Variants in MDGA2 observed in about 807,000 individuals in gnomAD.
The protein encoded by MDGA2 is MAM domain containing glycosylphosphatidylinositol anchor 2.
Under a neutral mutation model 117.8 loss-of-function variants are expected in MDGA2, and 40 were observed. The observed-to-expected ratio is 0.34, with a 90% CI of 0.26 to 0.44. The LOEUF (loss-of-function observed/expected upper bound fraction) is 0.44. MDGA2 is among the 20% of genes least tolerant of loss of function. The pLI is 1.00. For synonymous variants in MDGA2, 452 were observed against 439.0 expected, an observed-to-expected ratio of 1.03 and a Z score of -0.37; for missense variants, 1,123 against 1,250.6, an observed-to-expected ratio of 0.90 and a Z score of 1.54.
intron 2 of MDGA2, among the ~76,000 whole-genome samples, chr14:47,279,061 C>T (rs1888393010): frequency 6.6e-6 from 1 of 152,034 alleles, no homozygotes; most frequent in African/African-American, 2.4e-5. Context: ...AATGAAAACC[C>T]TTGTTATACA....
chr14:47,075,255 T>C (rs187924010), intron 6 of MDGA2, among the ~76,000 whole-genome samples: 1 of 152,316 alleles, frequency 6.6e-6, no homozygotes, highest in African/African-American at 2.4e-5. Flanking sequence ...CTTCCAGATA[T>C]TTTGTATTCT....
At chr14:47,409,548 C>G (rs1892328860) in intron 1 of MDGA2, among the ~76,000 whole-genome samples, 1 of 152,042 alleles carries the variant, frequency 6.6e-6, no homozygotes, top group Non-Finnish European at 1.5e-5. Context: ...TTCAGGTGAG[C>G]CTAATAAAAA....
intron 1 of MDGA2, among the ~76,000 whole-genome samples, chr14:47,408,189 G>T (rs931325932): frequency 6.6e-6 from 1 of 151,374 alleles, no homozygotes; most frequent in East Asian, 1.9e-4. Flanking sequence ...CTGAGTAGCT[G>T]GGACTACAGA....
intron 3 of MDGA2, among the ~76,000 whole-genome samples, chr14:47,156,995 T>A (rs1883414982): frequency 6.6e-6 from 1 of 152,186 alleles, no homozygotes; most frequent in Admixed American, 6.5e-5. Context: ...CTGAAATGGT[T>A]ACTGTGAAGC....
intron 2 of MDGA2, among the ~76,000 whole-genome samples, chr14:47,260,312 T>C (rs763292901): frequency 6.6e-6 from 1 of 152,066 alleles, no homozygotes. Context: ...CCTAGCACTA[T>C]AATCAAATTT....
At chr14:47,322,602 C>A (rs925428405) in intron 1 of MDGA2, among the ~76,000 whole-genome samples, 2 of 152,114 alleles carry the variant, frequency 1.3e-5, no homozygotes, top group Non-Finnish European at 2.9e-5. Flanking sequence ...TTTAATATGA[C>A]ACGACCCAGA....
intron 6 of MDGA2, among the ~76,000 whole-genome samples, chr14:47,088,790 T>G (rs952842865): frequency 1.3e-5 from 2 of 152,196 alleles, no homozygotes; most frequent in African/African-American, 4.8e-5. Context: ...TCTTTAGTGA[T>G]TCCCACTGAT....
rs1388774500 is a variant in MDGA2 at position 47,674,714 on chromosome 14, C to G, written c.83G>C (p.Arg28Pro). The G allele has an allele frequency of 3.3e-6, 3 of 909,798 alleles. No homozygotes were observed. In the South Asian group the frequency reaches 4.2e-5, roughly 13 times the overall value. 56.4% of individuals were successfully genotyped at this position (909,798 alleles called of 1,614,324 possible). Reference sequence around the variant, plus strand: ...GCCGAGGTGCCCGGGAACCGCTCGCCGAAGGAGGAAGCGCCGTCCGTCTGT... The same window carrying G: ...GCCGAGGTGCCCGGGAACCGCTCGCGGAAGGAGGAAGCGCCGTCCGTCTGT... ...GRTDGRRFLLRRAVPGHLGLA... is the reference protein window; with the variant it reads ...GRTDGRRFLLPRAVPGHLGLA... The change falls in exon 1 of 17, where the codon CGG (arginine) becomes CCG (proline). Residue 28 changes from arginine to proline, a missense_variant. Arg to Pro is a moderately radical substitution (Grantham distance 103). Coordinates refer to ENST00000399232, the MANE Select transcript of MDGA2 (RefSeq NM_001113498.3).
At chr14:47,170,376 A>C in intron 3 of MDGA2, among the ~76,000 whole-genome samples, 1 of 152,148 alleles carries the variant, frequency 6.6e-6, no homozygotes, top group East Asian at 1.9e-4. Context: ...ATTTGTTATG[A>C]TTTGTCAGAG....
chr14:47,108,088 T>C (rs1330606880), intron 5 of MDGA2, among the ~76,000 whole-genome samples: 6 of 150,814 alleles, frequency 4.0e-5, no homozygotes, highest in African/African-American at 7.3e-5. Context: ...AAAAGTAGAA[T>C]GGACTAAAGG....
In MDGA2 at chr14:47,284,734, A is replaced by G. The variant is rs537623696; in HGVS notation, c.420+16677T>C. Among the ~76,000 whole-genome samples, 8 of 152,272 alleles carry G rather than the reference A, an allele frequency of 5.3e-5. No individual in the cohort carries two copies. The South Asian group carries it at 1.2e-3, about 24-fold the overall frequency. ...ATATTTATGAACTTGTAAAATGAAT[A>G]TTAGAACCTGGAGTGGCCTTATTTT... On this transcript the variant is annotated intron_variant, in intron 2 of 16. Transcript: ENST00000399232.
chr14:46,890,904 T>C (rs1019660671), intron 10 of MDGA2, among the ~76,000 whole-genome samples: 1 of 152,032 alleles, frequency 6.6e-6, no homozygotes, highest in Non-Finnish European at 1.5e-5. Context: ...AAATTAAGGG[T>C]GTTATGATAA....
intron 3 of MDGA2, among the ~76,000 whole-genome samples, chr14:47,196,624 G>T (rs2139424977): frequency 6.6e-6 from 1 of 152,264 alleles, no homozygotes; most frequent in East Asian, 1.9e-4. Context: ...TTATTTAAAA[G>T]TATATTCTCA....
intron 8 of MDGA2, among the ~76,000 whole-genome samples, chr14:46,994,805 G>T (rs1430430182): frequency 6.6e-6 from 1 of 152,058 alleles, no homozygotes; most frequent in African/African-American, 2.4e-5. Context: ...TGTTTGTCTT[G>T]ATGAAAAGGT....
intron 5 of MDGA2, among the ~76,000 whole-genome samples, chr14:47,110,567 C>T (rs1880984056): frequency 1.3e-5 from 2 of 152,226 alleles, no homozygotes; most frequent in Middle Eastern, 6.8e-3. Context: ...GACACTTTAT[C>T]ACAGTGTAAT....
At chr14:47,180,263 T>C (rs2139366765) in intron 3 of MDGA2, among the ~76,000 whole-genome samples, 1 of 152,244 alleles carries the variant, frequency 6.6e-6, no homozygotes, top group African/African-American at 2.4e-5. Flanking sequence ...TAGCTCCCAC[T>C]TTTAAGTAAA....
At chr14:47,268,575 G>T (rs1888041602) in intron 2 of MDGA2, among the ~76,000 whole-genome samples, 1 of 152,104 alleles carries the variant, frequency 6.6e-6, no homozygotes, top group Non-Finnish European at 1.5e-5. Context: ...GAGAAAGCAA[G>T]GTGCCAAATG....
chr14:47,256,734 CT>C (rs1379696731), intron 2 of MDGA2, among the ~76,000 whole-genome samples: 1 of 151,404 alleles, frequency 6.6e-6, no homozygotes, highest in East Asian at 1.9e-4. Flanking sequence ...TCGAATAACA[CT>C]TTTTATTAAA....
intron 1 of MDGA2, among the ~76,000 whole-genome samples, chr14:47,536,296 T>C (rs1895209232): frequency 6.6e-6 from 1 of 152,344 alleles, no homozygotes; most frequent in South Asian, 2.1e-4. Context: ...CTTAAAGGTA[T>C]ATTTCTCCTC....
Sources: allele counts gnomAD v4.1 joint callset (sites outside exome capture counted in the v4.1 genomes callset), GRCh38; gene constraint gnomAD v4.1.1; transcripts MANE v1.5; gene names NCBI Gene and HGNC (gene_info 2026-07-23, HGNC 2026-07-21).